The following TMCC1 variants were observed in gnomAD, a reference collection of about 807,000 sequenced individuals.
TMCC1 encodes the protein transmembrane and coiled-coil domains protein 1.
A neutral mutation model predicts 52.4 loss-of-function variants in TMCC1; 15 were observed. The ratio of observed to expected loss-of-function variants is 0.29; its 90% confidence interval spans 0.19 to 0.44. The LOEUF is 0.44. Among genes scored for constraint, TMCC1 ranks in the 20% least tolerant of loss-of-function variants. The pLI is 1.00. For missense variants in TMCC1, 503 were observed against 806.0 expected, an observed-to-expected ratio of 0.62 and a Z score of 4.55; for synonymous variants, 279 against 301.9, an observed-to-expected ratio of 0.92 and a Z score of 0.79.
chr3:129,836,086 T>G (rs1241924340), intron 2 of TMCC1, among the ~76,000 whole-genome samples: 1 of 152,198 alleles, frequency 6.6e-6, no homozygotes, highest in Non-Finnish European at 1.5e-5. Flanking sequence ...CTGTATTAAT[T>G]GTATTCAAAG....
intron 4 of TMCC1, among the ~76,000 whole-genome samples, chr3:129,730,808 A>C (rs2050481491): frequency 6.6e-6 from 1 of 152,258 alleles, no homozygotes; most frequent in Admixed American, 6.5e-5. Context: ...CTCAAACAAC[A>C]AACTACCAGA....
chr3:129,752,381 C>A (rs1171704178), intron 4 of TMCC1, among the ~76,000 whole-genome samples: 1 of 152,150 alleles, frequency 6.6e-6, no homozygotes, highest in Non-Finnish European at 1.5e-5. Flanking sequence ...TAGTCATCAT[C>A]AGAATCAAAA....
intron 2 of TMCC1, among the ~76,000 whole-genome samples, chr3:129,874,392 T>A (rs1454014292): frequency 6.6e-6 from 1 of 152,214 alleles, no homozygotes; most frequent in African/African-American, 2.4e-5. Flanking sequence ...AGCTGCCACT[T>A]ACGGCATCTA....
chr3:129,859,052 C>G (rs1482099316), intron 2 of TMCC1, among the ~76,000 whole-genome samples: 1 of 151,962 alleles, frequency 6.6e-6, no homozygotes, highest in Admixed American at 6.6e-5. Flanking sequence ...CATGAAGGAA[C>G]AAAAAGAATC....
At chr3:129,773,002 C>T (rs2054738064) in intron 4 of TMCC1, among the ~76,000 whole-genome samples, 2 of 152,154 alleles carry the variant, frequency 1.3e-5, no homozygotes, top group African/African-American at 4.8e-5. Flanking sequence ...AAGTTACCCT[C>T]ACTCTAGCAA....
chr3:129,737,062 A>C (rs1042929526), intron 4 of TMCC1, among the ~76,000 whole-genome samples: 1 of 152,192 alleles, frequency 6.6e-6, no homozygotes, highest in Non-Finnish European at 1.5e-5. Context: ...CCCAAAATTC[A>C]TATGTTGGAA....
intron 4 of TMCC1, 132 bp from the exon 5 acceptor site, chr3:129,671,396 T>C: frequency 1.1e-6 from 1 of 952,094 alleles, no homozygotes; most frequent in East Asian, 2.6e-5. Context: ...TTCCCCCTTG[T>C]CCTATGCCAG....
intron 4 of TMCC1, among the ~76,000 whole-genome samples, chr3:129,721,209 C>T (rs926609731): frequency 1.2e-4 from 19 of 152,196 alleles, no homozygotes; most frequent in African/African-American, 2.4e-4. Context: ...CTCAGCTGAA[C>T]GGCTAACCTG....
chr3:129,822,745 G>A (rs2058478959), intron 4 of TMCC1, among the ~76,000 whole-genome samples: 1 of 152,092 alleles, frequency 6.6e-6, no homozygotes, highest in Non-Finnish European at 1.5e-5. Flanking sequence ...ATAACTTCAG[G>A]CAGGTTTTTA....
chr3:129,885,867 C>T (rs1268314027), intron 1 of TMCC1, among the ~76,000 whole-genome samples: 5 of 150,754 alleles, frequency 3.3e-5, no homozygotes, highest in Non-Finnish European at 7.4e-5. Flanking sequence ...CTCAGCCTCC[C>T]GAGTAGCTGG....
chr3:129,686,181 A>C (rs769181468), intron 4 of TMCC1, among the ~76,000 whole-genome samples: 2 of 152,204 alleles, frequency 1.3e-5, no homozygotes, highest in Non-Finnish European at 2.9e-5. Flanking sequence ...AGCTTCCTAC[A>C]ATTTTAGAAT....
chr3:129,715,418 G>C (rs1054025554), intron 4 of TMCC1, among the ~76,000 whole-genome samples: 5 of 152,118 alleles, frequency 3.3e-5, no homozygotes, highest in African/African-American at 7.2e-5. Flanking sequence ...ACACTGGCTG[G>C]GTGTGGTGTT....
intron 4 of TMCC1, among the ~76,000 whole-genome samples, chr3:129,752,679 C>A (rs543563476): frequency 2.2e-4 from 33 of 151,882 alleles, no homozygotes; most frequent in African/African-American, 7.2e-4. Flanking sequence ...CACACACACA[C>A]ACAAAAACTA....
chr3:129,667,220 T>TAA lies in TMCC1; in HGVS notation c.1511+3108_1511+3109dup, dbSNP rs1202933776. On this transcript the variant is annotated intron_variant, in intron 5 of 6. Transcript: ENST00000393238. Reference sequence around the variant, plus strand: ...GCCTGGCCAGCAAGACCCTGACTCTTAAAAAAAAAAAAAAAAAAAAAAAGA... The same window carrying TAA: ...GCCTGGCCAGCAAGACCCTGACTCTTAAAAAAAAAAAAAAAAAAAAAAAAAGA... Among the ~76,000 whole-genome samples, 81 of 85,660 alleles carry TAA rather than the reference T, an allele frequency of 9.5e-4. 2 individuals are homozygous for TAA. Among genetic ancestry groups the TAA allele is most frequent in the African/African-American group, 2.1e-3 (47 of 22,144 alleles). The allele number at this position is 85,660 out of a possible 152,430, so 56.2% of individuals were successfully genotyped here.
chr3:129,826,681 A>G (rs545362622), intron 4 of TMCC1, among the ~76,000 whole-genome samples: 14 of 152,094 alleles, frequency 9.2e-5, no homozygotes, highest in African/African-American at 3.4e-4. Context: ...TAGACTCAAT[A>G]TTTATATTTC....
intron 2 of TMCC1, among the ~76,000 whole-genome samples, chr3:129,849,514 C>A (rs1286902816): frequency 1.4e-5 from 2 of 148,098 alleles, no homozygotes; most frequent in Non-Finnish European, 3.0e-5. Context: ...CCTGTAACCC[C>A]AGCACTTCGG....
chr3:129,730,073 T>C (rs990024824), intron 4 of TMCC1, among the ~76,000 whole-genome samples: 1 of 152,176 alleles, frequency 6.6e-6, no homozygotes, highest in African/African-American at 2.4e-5. Flanking sequence ...ACTCGAAATA[T>C]GGTTTCTGCT....
At chr3:129,708,677 G>C (rs2048423763) in intron 4 of TMCC1, among the ~76,000 whole-genome samples, 2 of 152,194 alleles carry the variant, frequency 1.3e-5, no homozygotes, top group African/African-American at 2.4e-5. Context: ...GGTTGAACTG[G>C]ACAGGGAGTA....
chr3:129,847,750 A>G (rs925679215), intron 2 of TMCC1: 33 of 152,188 alleles, frequency 2.2e-4, no homozygotes, highest in African/African-American at 7.7e-4. Flanking sequence ...AAACTGCCCA[A>G]TTGTCTTCCA....
Sources: allele counts gnomAD v4.1 joint callset (sites outside exome capture counted in the v4.1 genomes callset), GRCh38; gene constraint gnomAD v4.1.1; transcripts MANE v1.5; gene names NCBI Gene and HGNC (gene_info 2026-07-23, HGNC 2026-07-21).